Variants in CD99L2 observed in about 807,000 individuals in gnomAD.
The protein encoded by CD99L2 is CD99 antigen-like protein 2.
In CD99L2, 24 loss-of-function variants were observed where a neutral mutation model predicts 27.3. The observed-to-expected ratio is 0.88, with a 90% CI of 0.64 to 1.24. CD99L2 has a LOEUF of 1.24. CD99L2 is among the 50% of genes most tolerant of loss of function. CD99L2 has a pLI of 0.00. For synonymous variants in CD99L2, 97 were observed against 87.9 expected (o/e 1.10, Z -0.58); for missense variants, 255 against 221.6 (o/e 1.15, Z -0.96).
intron 1 of CD99L2, among the ~76,000 whole-genome samples, chrX:150,844,359 C>T (rs2046668136): frequency 1.8e-5 from 2 of 112,009 alleles, no homozygotes; most frequent in Non-Finnish European, 3.8e-5. Flanking sequence ...GACAAACTCA[C>T]TGGTATGTAT....
At chrX:150,804,880 G>A (rs1557420191) in intron 4 of CD99L2, among the ~76,000 whole-genome samples, 1 of 109,819 alleles carries the variant, frequency 9.1e-6, no homozygotes, top group East Asian at 2.9e-4. Context: ...TACTGAAGCT[G>A]ACCCAAGAAG....
intron 2 of CD99L2, among the ~76,000 whole-genome samples, chrX:150,822,380 G>T (rs2046255186): frequency 8.9e-6 from 1 of 112,042 alleles, no homozygotes; most frequent in African/African-American, 3.2e-5. Context: ...AGAATAGAGA[G>T]AAACTGCTTG....
chrX:150,802,583 A>ATTT (rs781989087), intron 4 of CD99L2, among the ~76,000 whole-genome samples: 1 of 84,918 alleles, frequency 1.2e-5, no homozygotes, highest in Non-Finnish European at 2.3e-5. Context: ...AGAAAAGACA[A>ATTT]TTTTTTTTTT....
intron 1 of CD99L2, among the ~76,000 whole-genome samples, chrX:150,872,153 C>T (rs1390057850): frequency 2.7e-5 from 3 of 110,551 alleles, no homozygotes; most frequent in African/African-American, 9.9e-5. Context: ...ATTGCTGGAG[C>T]CCGGGAGGTC....
chrX:150,817,217 AT>A (rs1557420550), intron 2 of CD99L2, among the ~76,000 whole-genome samples: 168 of 107,046 alleles, frequency 1.6e-3, no homozygotes, highest in African/African-American at 5.4e-3. Context: ...ATAAAAATAA[AT>A]AAATAAATAA....
rs2043319338 is a variant in CD99L2, at chrX:150,766,706, T to C, written c.*2328A>G. The C allele has an allele frequency of 8.9e-6, 1 of 112,504 alleles. No individual in the cohort carries two copies. The highest frequency in any genetic ancestry group is 1.9e-5 in the Non-Finnish European group (1 of 53,310). 9.3% of individuals were successfully genotyped at this position (112,504 alleles called of 1,213,427 possible). A position where few individuals can be genotyped will look rare whatever the true frequency, so the allele number is the denominator to read the frequency against. On this transcript the variant is annotated 3_prime_UTR_variant, in exon 11 of 11. Transcript: ENST00000370377. ...CTTGGGACAGGCCCATGCTGGCCAG[T>C]GCAACCTTCAGATAGACACATGGTG...
intron 1 of CD99L2, among the ~76,000 whole-genome samples, chrX:150,883,258 A>T (rs782033196): frequency 8.9e-6 from 1 of 112,332 alleles, no homozygotes; most frequent in Admixed American, 9.4e-5. Flanking sequence ...ACAGTGGAAA[A>T]TCCAGGGAGG....
Position 150,769,684 on chromosome X carries a change from ACCAGGCCTCGGCTGCTCC to A in CD99L2, c.722-601_722-584del, listed in dbSNP as rs1407398794. Among the ~76,000 whole-genome samples the A allele has an allele frequency of 4.4e-5, 4 of 91,492 alleles. No homozygotes were observed. The Admixed American group carries it at 6.1e-4, about 14-fold the overall frequency. 79.4% of individuals were successfully genotyped at this position (91,492 alleles called of 115,157 possible). A position where few individuals can be genotyped will look rare whatever the true frequency, so the allele number is the denominator to read the frequency against. ...CTGTCCTAGTCTCCCTGCCTGCGCCACCAGGCCTCGGCTGCTCCCCGACCCCAGCAAGCCTTTCCGGAC... is the reference window on the plus strand; with the variant it reads ...CTGTCCTAGTCTCCCTGCCTGCGCCACCGACCCCAGCAAGCCTTTCCGGAC... On this transcript the variant is annotated intron_variant, in intron 10 of 10. Coordinates refer to ENST00000370377, the MANE Select transcript of CD99L2 (RefSeq NM_031462.4).
chrX:150,785,665 C>T (rs1003426442), intron 7 of CD99L2, among the ~76,000 whole-genome samples: 6 of 111,419 alleles, frequency 5.4e-5, no homozygotes, highest in Admixed American at 1.9e-4. Context: ...ACACCTAACC[C>T]CCGCAGCCAC....
intron 1 of CD99L2, among the ~76,000 whole-genome samples, chrX:150,847,847 A>G (rs782127487): frequency 1.8e-5 from 2 of 110,733 alleles, no homozygotes; most frequent in Admixed American, 1.9e-4. Flanking sequence ...TTCCACCCCC[A>G]GCACATGCAC....
intron 1 of CD99L2, among the ~76,000 whole-genome samples, chrX:150,845,112 C>T (rs1557421437): frequency 8.9e-6 from 1 of 111,952 alleles, no homozygotes; most frequent in Non-Finnish European, 1.9e-5. Context: ...TCTTCCTTTT[C>T]ACACAGAAAC....
At chrX:150,863,123 T>C (rs2047005752) in intron 1 of CD99L2, among the ~76,000 whole-genome samples, 1 of 112,255 alleles carries the variant, frequency 8.9e-6, no homozygotes, top group African/African-American at 3.2e-5. Context: ...CCTTAGTATG[T>C]TATTATGCCT....
intron 4 of CD99L2, among the ~76,000 whole-genome samples, chrX:150,808,915 G>A (rs1266157040): frequency 9.0e-6 from 1 of 111,124 alleles, no homozygotes; most frequent in Admixed American, 9.6e-5. Context: ...GTCCTTATAA[G>A]GGAAAGGAAG....
At chrX:150,772,681 C>T (rs782003175) in intron 9 of CD99L2, among the ~76,000 whole-genome samples, 5 of 112,415 alleles carry the variant, frequency 4.4e-5, no homozygotes, top group Admixed American at 1.9e-4. Context: ...ACCTTTTGGA[C>T]GGGAGATGAG....
rs373044500 is a variant in CD99L2, at chrX:150,889,467, T to TA, written c.67+9054dup. ...CATCCCAGGCTAGTTGAAGCAGCAA[T>TA]AAAAAAAAAAAAACAAAAGTAGAAG... On this transcript the variant is annotated intron_variant, in intron 1 of 10. Coordinates refer to ENST00000370377, the MANE Select transcript of CD99L2 (RefSeq NM_031462.4). 5.1e-3 allele frequency among the ~76,000 whole-genome samples: 465 copies of TA among 91,059 alleles called. 4 individuals carry two copies. Among genetic ancestry groups the TA allele is most frequent in the African/African-American group, 6.7e-3 (170 of 25,543 alleles). The allele number at this position is 91,059 out of a possible 115,157, so 79.1% of individuals were successfully genotyped here.
At chrX:150,843,419 G>A (rs1557421394) in intron 1 of CD99L2, among the ~76,000 whole-genome samples, 1 of 110,686 alleles carries the variant, frequency 9.0e-6, no homozygotes, top group East Asian at 2.8e-4. Context: ...GGAGGCCGAG[G>A]CGGGCAGATC....
intron 4 of CD99L2, among the ~76,000 whole-genome samples, chrX:150,806,200 G>A (rs1361314158): frequency 8.9e-6 from 1 of 112,496 alleles, no homozygotes; most frequent in Non-Finnish European, 1.9e-5. Flanking sequence ...ACAACTTCAT[G>A]TGAATTTACA....
chrX:150,856,962 G>GA (rs1242616716), intron 1 of CD99L2, among the ~76,000 whole-genome samples: 3 of 109,717 alleles, frequency 2.7e-5, no homozygotes, highest in African/African-American at 9.9e-5. Flanking sequence ...TTCATTGAAA[G>GA]AATGACAAAA....
At chrX:150,887,510 C>T (rs1557422664) in intron 1 of CD99L2, among the ~76,000 whole-genome samples, 1 of 108,993 alleles carries the variant, frequency 9.2e-6, no homozygotes, top group Admixed American at 9.7e-5. Context: ...AAGCTCAACC[C>T]CCAGGGACTC....
Sources: allele counts gnomAD v4.1 joint callset (sites outside exome capture counted in the v4.1 genomes callset), GRCh38; gene constraint gnomAD v4.1.1; transcripts MANE v1.5; gene names NCBI Gene and HGNC (gene_info 2026-07-23, HGNC 2026-07-21).